The following RASA3 variants were observed in gnomAD, a reference collection of about 807,000 sequenced individuals.
RASA3 encodes the protein ras GTPase-activating protein 3.
RASA3 carries 73 observed loss-of-function variants against 110.0 expected under a neutral mutation model. The observed-to-expected ratio is 0.66, with a 90% CI of 0.55 to 0.81. RASA3 has a LOEUF of 0.81. Among genes scored for constraint, RASA3 ranks in the 30% least tolerant of loss-of-function variants. The pLI is 0.00. For synonymous variants in RASA3, 500 were observed against 451.4 expected (o/e 1.11, Z -1.37); for missense variants, 976 against 1,113.2 (o/e 0.88, Z 1.75).
rs957927788 is a variant in RASA3 at position 114,126,784 on chromosome 13, G to A, written c.55+5651C>T. Among the ~76,000 whole-genome samples, 4 of 152,068 alleles carry A rather than the reference G, an allele frequency of 2.6e-5. No homozygotes were observed. In the East Asian group the frequency reaches 5.8e-4, roughly 22 times the overall value. On this transcript the variant is annotated intron_variant, in intron 1 of 23. Transcript: ENST00000334062. ...GTGCATCTAAGTCCCATTAATCTCTGCAAAAGAAGGCCTTGGCCTCCACTT... is the reference window on the plus strand; with the variant it reads ...GTGCATCTAAGTCCCATTAATCTCTACAAAAGAAGGCCTTGGCCTCCACTT...
chr13:114,088,265 TA>T (rs1265756573), intron 1 of RASA3, among the ~76,000 whole-genome samples: 1 of 152,218 alleles, frequency 6.6e-6, no homozygotes, highest in Non-Finnish European at 1.5e-5. Flanking sequence ...CCTTTAGACT[TA>T]AAAAATTCTG....
chr13:114,102,385 CG>C (rs1407062362), intron 1 of RASA3, among the ~76,000 whole-genome samples: 3 of 151,834 alleles, frequency 2.0e-5, no homozygotes, highest in African/African-American at 7.3e-5. Flanking sequence ...GGAAGAGAGA[CG>C]GAGACAGAGA....
chr13:114,012,417 C>G (rs1459305113), intron 15 of RASA3, among the ~76,000 whole-genome samples: 1 of 147,598 alleles, frequency 6.8e-6, no homozygotes, highest in Non-Finnish European at 1.5e-5. Flanking sequence ...CACACACACT[C>G]CCCATTCCAC....
chr13:114,024,520 C>T lies in RASA3; in HGVS notation c.604-165G>A, dbSNP rs375037410. ...GGGATTCGGGATTCAGGCCTGGCTTCCTGAGTGCCAGCATTTCCTACTCAC... is the reference window on the plus strand; with the variant it reads ...GGGATTCGGGATTCAGGCCTGGCTTTCTGAGTGCCAGCATTTCCTACTCAC... On this transcript the variant is annotated intron_variant, in intron 7 of 23. Transcript: ENST00000334062. 4.1e-4 allele frequency among the ~76,000 whole-genome samples: 62 copies of T among 152,392 alleles called. 3 individuals carry two copies. The South Asian group carries it at 0.013, about 32-fold the overall frequency.
At chr13:114,130,177 G>A (rs1374485805) in intron 1 of RASA3, among the ~76,000 whole-genome samples, 2 of 152,302 alleles carry the variant, frequency 1.3e-5, no homozygotes, top group Non-Finnish European at 1.5e-5. Flanking sequence ...AGCCCAGACT[G>A]CATCTCTGCT....
chr13:114,117,215 CGTGTGTGAGGGGTGCAT>C (rs2080295925), intron 1 of RASA3, among the ~76,000 whole-genome samples: 2 of 76,404 alleles, frequency 2.6e-5, no homozygotes, highest in African/African-American at 8.8e-5. Context: ...GAGGGGTGCA[CGTGTGTGAGGGGTGCAT>C]GTGTGTGAGG....
At chr13:113,988,940 C>T (rs114103196) in intron 22 of RASA3, among the ~76,000 whole-genome samples, 1,627 of 150,328 alleles carry the variant, frequency 0.011, 20 homozygotes, top group African/African-American at 0.038. Flanking sequence ...CCACCCATCA[C>T]TCACCCTGTC....
At chr13:114,036,030 T>C (rs976518453) in intron 4 of RASA3, 1 of 152,290 alleles carries the variant, frequency 6.6e-6, no homozygotes, top group Non-Finnish European at 1.5e-5. Flanking sequence ...TGTGATCCCC[T>C]GCAGGGCTGT....
intron 8 of RASA3, among the ~76,000 whole-genome samples, chr13:114,021,806 C>T (rs2053932692): frequency 6.6e-6 from 1 of 151,738 alleles, no homozygotes; most frequent in East Asian, 1.9e-4. Flanking sequence ...CTGCGTGCAC[C>T]CAGAAGCTAC....
Position 113,979,282 on chromosome 13 carries a change from C to A in RASA3, c.*65G>T. 7.0e-7 allele frequency: 1 copy of A among 1,434,168 alleles called. No individual in the cohort carries two copies. The highest frequency in any genetic ancestry group is 9.8e-7 in the Non-Finnish European group (1 of 1,018,244). 88.8% of individuals were successfully genotyped at this position (1,434,168 alleles called of 1,614,324 possible). A position where few individuals can be genotyped will look rare whatever the true frequency, so the allele number is the denominator to read the frequency against. On this transcript the variant is annotated 3_prime_UTR_variant, in exon 24 of 24. Coordinates refer to ENST00000334062, the MANE Select transcript of RASA3 (RefSeq NM_007368.4). ...GGCTCTGCGCTCTTCCTTCTCTTCT[C>A]CCTCCCAAAGGCTGCGGCTTTGCAT...
rs1019715678 is a variant in RASA3, at chr13:114,017,213, G to A, written c.1206+24C>T. On this transcript the variant is annotated intron_variant, in intron 12 of 23. Transcript: ENST00000334062. ...AATCCTCCCCACGCCTCGTGAGGCT[G>A]AGGACTCTCGGCCCCGTGCTCACCT... 3.8e-6 allele frequency: 6 copies of A among 1,592,248 alleles called. No individual in the cohort carries two copies. The African/African-American group carries it at 6.7e-5, about 18-fold the overall frequency.
intron 1 of RASA3, among the ~76,000 whole-genome samples, chr13:114,098,211 A>G (rs930759481): frequency 2.6e-5 from 4 of 152,200 alleles, no homozygotes; most frequent in Non-Finnish European, 5.9e-5. Context: ...ACAGCTCATC[A>G]GCGACGAGCC....
Position 114,112,591 on chromosome 13 carries a change from G to T in RASA3, c.55+19844C>A, listed in dbSNP as rs1384329681. On this transcript the variant is annotated intron_variant, in intron 1 of 23. Transcript: ENST00000334062. The surrounding 1 kb of genome is among the most constrained non-coding windows in gnomAD (Gnocchi z 4.8). ...GTGCCCGGGGATGCTGGTGCTGCAG[G>T]TATGGGGACCCCGCTAGGAGAGCCC... Among the ~76,000 whole-genome samples the T allele has an allele frequency of 1.3e-5, 2 of 152,086 alleles. No individual in the cohort carries two copies. The highest frequency in any genetic ancestry group is 2.9e-5 in the Non-Finnish European group (2 of 67,996).
At position 114,013,248 on chromosome 13, in the gene RASA3, T is replaced by A. The variant is rs374791206; in HGVS notation, c.1406A>T (p.Asp469Val). ...LREAAAKRFQ[D>V]DPDVRYTAVS... is the part of the protein sequence containing the mutation. ...TGCAGTGTACCTGACGTCCGGGTCA[T>A]CTGCGGGAGAGAGAAGCAGGGTGAC... The change falls in exon 15 of 24, where the codon GAT (aspartate) becomes GTT (valine). Residue 469 changes from aspartate (D) to valine (V), a missense_variant and splice_region_variant. Asp to Val is a radical substitution (Grantham distance 152). Coordinates refer to ENST00000334062, the MANE Select transcript of RASA3 (RefSeq NM_007368.4). The A allele has an allele frequency of 2.0e-5, 33 of 1,609,978 alleles. No individual in the cohort carries two copies. In the African/African-American group the frequency reaches 2.9e-4, roughly 14 times the overall value.
chr13:114,076,677 T>G (rs777121223), intron 1 of RASA3, among the ~76,000 whole-genome samples: 2 of 152,138 alleles, frequency 1.3e-5, no homozygotes, highest in African/African-American at 2.4e-5. Flanking sequence ...GAAGGGAGCC[T>G]GGGGGATGGC....
chr13:114,132,327 G>A lies in RASA3; in HGVS notation c.55+108C>T, dbSNP rs1227330496. On this transcript the variant is annotated intron_variant, in intron 1 of 23. Transcript: ENST00000334062. The stretch of plus-strand genomic sequence containing the variant: ...TCCGGGGAGCGCGCCGCGCCTGGAG[G>A]GCGTCTCCGCCGGGGTCCCCAGCAA... 4.2e-6 allele frequency: 5 copies of A among 1,181,410 alleles called. No individual in the cohort carries two copies. The East Asian group carries it at 9.7e-5, about 23-fold the overall frequency. 73.2% of individuals were successfully genotyped at this position (1,181,410 alleles called of 1,614,324 possible). A position where few individuals can be genotyped will look rare whatever the true frequency, so the allele number is the denominator to read the frequency against.
rs1484272418 is a variant in RASA3, at chr13:114,029,923, G to A, written c.373-36C>T. On this transcript the variant is annotated intron_variant, in intron 4 of 23. Transcript: ENST00000334062. ...CAAGGATGGGGTGTCAGAGGCTGTG[G>A]CGCTGCTCCCACAGGCCACTAGGGC... The A allele has an allele frequency of 2.6e-6, 4 of 1,532,792 alleles. No individual in the cohort carries two copies. The African/African-American group carries it at 4.1e-5, about 16-fold the overall frequency. The allele number at this position is 1,532,792 out of a possible 1,614,324, so 94.9% of individuals were successfully genotyped here. A position where few individuals can be genotyped will look rare whatever the true frequency, so the allele number is the denominator to read the frequency against.
intron 1 of RASA3, among the ~76,000 whole-genome samples, chr13:114,126,714 A>G (rs1377416325): frequency 6.6e-6 from 1 of 152,228 alleles, no homozygotes; most frequent in Non-Finnish European, 1.5e-5. Flanking sequence ...ATTCTGCTAG[A>G]ATAATACCTC....
At chr13:114,013,293 G>A in intron 14 of RASA3, 45 bp from the exon 15 acceptor site, 1 of 1,456,656 alleles carries the variant, frequency 6.9e-7, no homozygotes, top group Non-Finnish European at 9.5e-7. Flanking sequence ...CGGGCACAAT[G>A]GCCTCGTGGG....
Sources: gnomAD v4.1 joint callset for allele counts (sites outside exome capture counted in the v4.1 genomes callset) on GRCh38, gnomAD v4.1.1 for gene constraint, Gnocchi (gnomAD v3.1) non-coding constraint, MANE v1.5 for transcripts, NCBI Gene and HGNC (gene_info 2026-07-23, HGNC 2026-07-21) for gene names.